ADGRG2: variants seen among roughly 807,000 people sequenced by gnomAD.
The protein encoded by ADGRG2 is adhesion G protein-coupled receptor G2.
ADGRG2 carries 26 observed loss-of-function variants against 74.1 expected under a neutral mutation model. The observed-to-expected ratio is 0.35, with a 90% confidence interval of 0.26 to 0.49. The LOEUF (loss-of-function observed/expected upper bound fraction) is 0.49, where lower values mean the gene tolerates loss of function less well. Among genes scored for constraint, ADGRG2 ranks in the 20% least tolerant of loss-of-function variants. ADGRG2 has a pLI of 0.99. For missense variants in ADGRG2, 619 were observed against 763.1 expected (o/e 0.81, Z 2.22); for synonymous variants, 296 against 295.2 (o/e 1.00, Z -0.03).
intron 13 of ADGRG2, among the ~76,000 whole-genome samples, chrX:19,021,664 TAGATGG>T (rs1172944457): frequency 9.0e-6 from 1 of 110,892 alleles, no homozygotes; most frequent in Non-Finnish European, 1.9e-5. Context: ...TTTTTTGTTT[TAGATGG>T]AGTCTCGCTC....
In ADGRG2 at chrX:19,115,795, A is replaced by C. The variant is rs752773810; in HGVS notation, c.-47+6647T>G. ...ACGGTGAAACCCTATCCCTACTAAA[A>C]ATACAAAAATTAGCTGGGTGTGGTT... is the stretch of plus-strand genomic sequence containing the variant. On this transcript the variant is annotated intron_variant, in intron 1 of 28. Coordinates refer to ENST00000379869, the MANE Select transcript of ADGRG2 (RefSeq NM_001079858.3). Among the ~76,000 whole-genome samples, 246 of 111,096 alleles carry C rather than the reference A, an allele frequency of 2.2e-3. 1 individual carries two copies. The highest frequency in any genetic ancestry group is 9.3e-3 in the Middle Eastern group (2 of 216).
At position 19,010,677 on chromosome X, in the gene ADGRG2, T is replaced by C; in HGVS notation, c.1201A>G (p.Met401Val). 8.3e-7 allele frequency: 1 copy of C among 1,208,790 alleles called. No homozygotes were observed. ...AGGAGTCTGCTGACTTGGTTGATCA[T>C]TTCTCCTGCGAGGTTAGGCTCCAGG... ...GSLEPNLAGE[M>V]INQVSRLLHS... The change falls in exon 17 of 29, where the codon ATG becomes GTG. Residue 401 changes from methionine (M) to valine (V), a missense_variant. Met to Val is a conservative substitution (Grantham distance 21, BLOSUM62 1). Transcript: ENST00000379869.
intron 2 of ADGRG2, among the ~76,000 whole-genome samples, chrX:19,081,314 T>C (rs1274763586): frequency 9.0e-6 from 1 of 111,719 alleles, no homozygotes; most frequent in Non-Finnish European, 1.9e-5. Flanking sequence ...ATTCTATCAA[T>C]ATGTAGAGGA....
chrX:18,999,991 ATTTT>A (rs754958892), intron 24 of ADGRG2, 31 bp from the exon 25 acceptor site: 266 of 564,198 alleles, frequency 4.7e-4, no homozygotes, highest in East Asian at 5.7e-4. Context: ...GTCACACCTA[ATTTT>A]TTTTTTTTTT....
intron 1 of ADGRG2, among the ~76,000 whole-genome samples, chrX:19,114,071 C>CAA (rs60491802): frequency 3.7e-4 from 10 of 27,002 alleles, no homozygotes; most frequent in African/African-American, 8.8e-4. Context: ...GAATCTGTCT[C>CAA]AAAAAAAAAA....
At chrX:19,078,456 C>A (rs2061789821) in intron 2 of ADGRG2, among the ~76,000 whole-genome samples, 1 of 111,022 alleles carries the variant, frequency 9.0e-6, no homozygotes, top group Non-Finnish European at 1.9e-5. Flanking sequence ...GCATGGGAGT[C>A]TGAGGCAAGA....
intron 3 of ADGRG2, among the ~76,000 whole-genome samples, chrX:19,064,901 G>A (rs2061541778): frequency 9.0e-6 from 1 of 111,176 alleles, no homozygotes; most frequent in Non-Finnish European, 1.9e-5. Flanking sequence ...GTTATAGAGT[G>A]GGCTTTAAAT....
At chrX:19,112,063 A>AATTATT (rs746582476) in intron 1 of ADGRG2, among the ~76,000 whole-genome samples, 4 of 108,440 alleles carry the variant, frequency 3.7e-5, no homozygotes, top group African/African-American at 6.7e-5. Flanking sequence ...ATCTAAAGGG[A>AATTATT]ATTATTATTA....
intron 9 of ADGRG2, 121 bp downstream of exon 9, chrX:19,030,863 G>A (rs773521615): frequency 8.7e-6 from 4 of 458,414 alleles, no homozygotes; most frequent in African/African-American, 4.9e-5. Context: ...TAGTAGCCAG[G>A]TGGCATGAAA....
intron 26 of ADGRG2, among the ~76,000 whole-genome samples, chrX:18,998,068 T>C (rs1160279720): frequency 8.9e-6 from 1 of 112,482 alleles, no homozygotes; most frequent in East Asian, 2.8e-4. Flanking sequence ...CCAAGATGCA[T>C]GGGCTTCATT....
At chrX:19,122,033 C>T (rs1158269526) in intron 1 of ADGRG2, among the ~76,000 whole-genome samples, 1 of 112,375 alleles carries the variant, frequency 8.9e-6, no homozygotes, top group Non-Finnish European at 1.9e-5. Context: ...ACCGCCGCAG[C>T]CCGACCAGGC....
intron 1 of ADGRG2, among the ~76,000 whole-genome samples, chrX:19,093,103 C>T (rs1286025174): frequency 1.8e-5 from 2 of 111,962 alleles, no homozygotes; most frequent in Non-Finnish European, 3.8e-5. Flanking sequence ...GAAAACATGA[C>T]AATCCTTAGA....
intron 1 of ADGRG2, among the ~76,000 whole-genome samples, chrX:19,107,155 C>T (rs1357714155): frequency 8.9e-6 from 1 of 111,963 alleles, no homozygotes; most frequent in Non-Finnish European, 1.9e-5. Flanking sequence ...AGCAGCATCA[C>T]CTCACCTAGG....
intron 24 of ADGRG2, 31 bp from the exon 25 acceptor site, chrX:18,999,991 ATTT>A (rs754958892): frequency 2.6e-3 from 1,451 of 557,244 alleles, no homozygotes; most frequent in Middle Eastern, 3.9e-3. Context: ...GTCACACCTA[ATTT>A]TTTTTTTTTT....
At chrX:19,058,547 AT>A (rs747231583) in intron 3 of ADGRG2, among the ~76,000 whole-genome samples, 16 of 112,018 alleles carry the variant, frequency 1.4e-4, no homozygotes, top group African/African-American at 5.2e-4. Context: ...CTAAAGCAAA[AT>A]TACTGCCATT....
intron 1 of ADGRG2, among the ~76,000 whole-genome samples, chrX:19,101,408 A>T (rs1176667078): frequency 8.9e-6 from 1 of 111,775 alleles, no homozygotes; most frequent in Non-Finnish European, 1.9e-5. Context: ...AAAGAAATGT[A>T]TTAGAAGGAT....
At chrX:19,003,931 T>A (rs1053707963) in intron 23 of ADGRG2, among the ~76,000 whole-genome samples, 1 of 112,263 alleles carries the variant, frequency 8.9e-6, no homozygotes, top group African/African-American at 3.2e-5. Flanking sequence ...GATGACATGT[T>A]CATGTTTATG....
rs142903941 is a variant in ADGRG2, at chrX:18,999,294, G to C, written c.2331-15C>G. 1.5e-5 allele frequency: 17 copies of C among 1,157,127 alleles called. No homozygotes were observed. The East Asian group carries it at 4.8e-4, about 33-fold the overall frequency. On this transcript the variant is annotated splice_polypyrimidine_tract_variant and intron_variant, in intron 25 of 28. Coordinates refer to ENST00000379869, the MANE Select transcript of ADGRG2 (RefSeq NM_001079858.3). ...TGATCCAGCAGCTGGAGTTTGTGGA[G>C]GGGGGGAAACAGGGGAAAACATATT...
At chrX:19,084,857 G>GTT (rs2061913680) in intron 1 of ADGRG2, among the ~76,000 whole-genome samples, 1 of 112,253 alleles carries the variant, frequency 8.9e-6, no homozygotes, top group Non-Finnish European at 1.9e-5. Flanking sequence ...CAAGCAACAT[G>GTT]ACATTTGTTT....
Sources: gnomAD v4.1 joint callset for allele counts (sites outside exome capture counted in the v4.1 genomes callset) on GRCh38, gnomAD v4.1.1 for gene constraint, MANE v1.5 for transcripts, NCBI Gene and HGNC (gene_info 2026-07-23, HGNC 2026-07-21) for gene names.